The following COL23A1 variants were observed in gnomAD, a reference collection of about 807,000 sequenced individuals.
COL23A1 encodes collagen type XXIII alpha 1 chain, also known as collagen alpha-1(XXIII) chain.
COL23A1 carries 97 observed loss-of-function variants against 99.3 expected under a neutral mutation model. The observed-to-expected ratio is 0.98, with a 90% CI of 0.83 to 1.16. COL23A1 has a LOEUF of 1.16. Ranked by LOEUF, COL23A1 falls within the 50% of genes most tolerant of loss-of-function variation. The pLI is 0.00. For missense variants in COL23A1, 762 were observed against 757.4 expected, an observed-to-expected ratio of 1.01 and a Z score of -0.07; for synonymous variants, 320 against 308.2, an observed-to-expected ratio of 1.04 and a Z score of -0.40.
Position 178,387,650 on chromosome 5 carries a change from T to C in COL23A1, c.362-80731A>G, listed in dbSNP as rs1763743842. ...GAGGCTCATGACCATTTACCTTTTA[T>C]CCCCAGTACGAATACAAAGATAAGG... On this transcript the variant is annotated intron_variant, in intron 2 of 28. Coordinates refer to ENST00000390654, the MANE Select transcript of COL23A1 (RefSeq NM_173465.4). This position sits in a 1 kb window ranked among gnomAD's most constrained non-coding sequence, Gnocchi z 4.7. Among the ~76,000 whole-genome samples, 1 of 152,118 alleles carries C rather than the reference T, an allele frequency of 6.6e-6. No homozygotes were observed. Among genetic ancestry groups the C allele is most frequent in the African/African-American group, 2.4e-5 (1 of 41,400 alleles).
At position 178,420,895 on chromosome 5, in the gene COL23A1, C is replaced by CA. The variant is rs1424270808; in HGVS notation, c.362-113977dup. Among the ~76,000 whole-genome samples the CA allele has an allele frequency of 2.0e-5, 3 of 151,728 alleles. No individual in the cohort carries two copies. The East Asian group carries it at 5.9e-4, about 30-fold the overall frequency. On this transcript the variant is annotated intron_variant, in intron 2 of 28. Transcript: ENST00000390654. ...TTCAATTTATTTGTAGAACCTGAAACAGAGTTCCATTCCCAAGGAAAACCC... is the reference window on the plus strand; with the variant it reads ...TTCAATTTATTTGTAGAACCTGAAACAAGAGTTCCATTCCCAAGGAAAACCC...
At chr5:178,446,728 C>T (rs1301998177) in intron 2 of COL23A1, among the ~76,000 whole-genome samples, 1 of 152,060 alleles carries the variant, frequency 6.6e-6, no homozygotes, top group Non-Finnish European at 1.5e-5. Context: ...GTGAATCTAT[C>T]CCAAAGAAAT....
At chr5:178,479,510 C>A (rs528548460) in intron 2 of COL23A1, among the ~76,000 whole-genome samples, 79 of 152,320 alleles carry the variant, frequency 5.2e-4, no homozygotes, top group Non-Finnish European at 9.7e-4. Flanking sequence ...CTTTAATACA[C>A]CCCAGGAAGA....
At chr5:178,417,045 A>T (rs1474232692) in intron 2 of COL23A1, among the ~76,000 whole-genome samples, 1 of 152,206 alleles carries the variant, frequency 6.6e-6, no homozygotes. Context: ...GCATGAGCAT[A>T]GGACCTGCCA....
At position 178,590,025 on chromosome 5, in the gene COL23A1, G is replaced by A; in HGVS notation, c.173C>T (p.Ala58Val). Residue 58 changes from alanine to valine, a missense_variant, in exon 1 of 29, where the codon GCG becomes GTG. Transcript: ENST00000390654. This position sits in a 1 kb window ranked among gnomAD's most constrained non-coding sequence, Gnocchi z 5.7. ...AAACLLLGVQ[A>V]AALQGRVAAL... ...CGCCACCCGGCCCTGCAGCGCGGCC[G>A]CCTGGACACCCAGCAGCAGGCAGGC... The A allele has an allele frequency of 3.0e-6, 4 of 1,352,960 alleles. No individual in the cohort carries two copies. The highest frequency in any genetic ancestry group is 1.7e-5 in the South Asian group (1 of 57,506). 83.8% of individuals were successfully genotyped at this position (1,352,960 alleles called of 1,614,324 possible). A position where few individuals can be genotyped will look rare whatever the true frequency, so the allele number is the denominator to read the frequency against.
At chr5:178,377,133 C>T (rs1763112369) in intron 2 of COL23A1, among the ~76,000 whole-genome samples, 1 of 152,198 alleles carries the variant, frequency 6.6e-6, no homozygotes, top group Admixed American at 6.5e-5. Flanking sequence ...GGGCCACGCA[C>T]AGGAAAGCGT....
chr5:178,321,480 C>CTTTTTTTTT (rs570803192), intron 2 of COL23A1, among the ~76,000 whole-genome samples: 2 of 109,040 alleles, frequency 1.8e-5, no homozygotes, highest in Admixed American at 9.8e-5. Flanking sequence ...GTCACCTTCC[C>CTTTTTTTTT]TTTTTTTTTT....
intron 2 of COL23A1, among the ~76,000 whole-genome samples, chr5:178,406,085 A>G (rs1183908494): frequency 6.6e-6 from 1 of 152,250 alleles, no homozygotes; most frequent in East Asian, 1.9e-4. Flanking sequence ...CCTGGGCAAC[A>G]GAGTGAGACT....
rs1454666204 is a variant in COL23A1, at chr5:178,307,596, G to A, written c.362-677C>T. ...CCCCTACCTCCGCCTCTGGCCCTCT[G>A]CCCACATCAGACCCTGAGACCAGAG... On this transcript the variant is annotated intron_variant, in intron 2 of 28. Coordinates refer to ENST00000390654, the MANE Select transcript of COL23A1 (RefSeq NM_173465.4). The surrounding 1 kb of genome is among the most constrained non-coding windows in gnomAD (Gnocchi z 4.2). Among the ~76,000 whole-genome samples the A allele has an allele frequency of 6.6e-6, 1 of 152,180 alleles. No homozygotes were observed.
At chr5:178,530,066 G>T (rs981778284) in intron 2 of COL23A1, among the ~76,000 whole-genome samples, 2 of 152,198 alleles carry the variant, frequency 1.3e-5, no homozygotes, top group Non-Finnish European at 2.9e-5. Context: ...TTCTGGAATA[G>T]TGAAAATCAG....
intron 2 of COL23A1, among the ~76,000 whole-genome samples, chr5:178,368,815 T>G (rs17580670): frequency 0.13 from 19,699 of 152,266 alleles, 1,286 homozygotes; most frequent in South Asian, 0.21. Flanking sequence ...CCCTTTTTAT[T>G]GTTCCTGGGC....
intron 2 of COL23A1, among the ~76,000 whole-genome samples, chr5:178,554,181 C>T (rs1161665749): frequency 1.4e-5 from 2 of 147,364 alleles, no homozygotes; most frequent in African/African-American, 5.0e-5. Context: ...TTCCTTTCTT[C>T]TTTTTTTTTT....
intron 2 of COL23A1, among the ~76,000 whole-genome samples, chr5:178,433,353 G>T (rs1766368488): frequency 1.3e-5 from 2 of 152,160 alleles, no homozygotes; most frequent in South Asian, 4.1e-4. Flanking sequence ...AGATGAGGGG[G>T]TCCACAGGGC....
chr5:178,354,922 G>A (rs1268103587), intron 2 of COL23A1, among the ~76,000 whole-genome samples: 1 of 152,022 alleles, frequency 6.6e-6, no homozygotes, highest in Non-Finnish European at 1.5e-5. Context: ...GTTGGGCATG[G>A]TGGTGTGAGC....
chr5:178,570,540 T>C (rs901019371), intron 1 of COL23A1, among the ~76,000 whole-genome samples: 1 of 152,170 alleles, frequency 6.6e-6, no homozygotes, highest in South Asian at 2.1e-4. Flanking sequence ...AAAGACCAGA[T>C]CATGAATTTA....
At chr5:178,524,572 G>A (rs1194210598) in intron 2 of COL23A1, among the ~76,000 whole-genome samples, 1 of 152,168 alleles carries the variant, frequency 6.6e-6, no homozygotes, top group African/African-American at 2.4e-5. Context: ...CCTGGAAATG[G>A]TCGGGCATTG....
chr5:178,324,856 G>A (rs192323382), intron 2 of COL23A1, among the ~76,000 whole-genome samples: 18 of 152,320 alleles, frequency 1.2e-4, no homozygotes, highest in African/African-American at 4.1e-4. Flanking sequence ...CTGGGAGCTC[G>A]GCGGGGGTTG....
intron 2 of COL23A1, among the ~76,000 whole-genome samples, chr5:178,346,809 T>G (rs1033069179): frequency 6.6e-6 from 1 of 152,222 alleles, no homozygotes; most frequent in East Asian, 1.9e-4. Flanking sequence ...CAGAGTCATA[T>G]GCAGCGGCCC....
In COL23A1 at chr5:178,288,305, A is replaced by G. The variant is rs765018920; in HGVS notation, c.441+19T>C. ...AAGAGAAAAGGGTGAAGAGAGCAAA[A>G]AAATAAATGACAAATTACCGGGTAG... is the stretch of plus-strand genomic sequence containing the variant. On this transcript the variant is annotated intron_variant, in intron 5 of 28. Transcript: ENST00000390654. 1.2e-6 allele frequency: 2 copies of G among 1,602,320 alleles called. No homozygotes were observed. The highest frequency in any genetic ancestry group is 1.7e-6 in the Non-Finnish European group (2 of 1,168,856).
Sources: allele counts gnomAD v4.1 joint callset (sites outside exome capture counted in the v4.1 genomes callset), GRCh38; gene constraint gnomAD v4.1.1; non-coding constraint Gnocchi (gnomAD v3.1); transcripts MANE v1.5; gene names NCBI Gene and HGNC (gene_info 2026-07-23, HGNC 2026-07-21).